Variants in SGCZ observed in about 807,000 individuals in gnomAD.
SGCZ encodes the protein sarcoglycan zeta.
SGCZ carries 40 observed loss-of-function variants against 41.3 expected under a neutral mutation model. The observed-to-expected ratio is 0.97, with a 90% confidence interval of 0.75 to 1.26. The LOEUF is 1.26. Among genes scored for constraint, SGCZ ranks in the 50% most tolerant of loss-of-function variants. The probability of loss-of-function intolerance (pLI) is 0.00; values close to 1 mark genes in which losing one functional copy is unlikely to be tolerated. For synonymous variants in SGCZ, 206 were observed against 137.5 expected (o/e 1.50, Z -3.49); for missense variants, 552 against 369.8 (o/e 1.49, Z -4.04).
At chr8:14,503,020 C>G (rs1002038150) in intron 2 of SGCZ, among the ~76,000 whole-genome samples, 1 of 152,052 alleles carries the variant, frequency 6.6e-6, no homozygotes, top group African/African-American at 2.4e-5. Flanking sequence ...GCACTATTCA[C>G]AATAGCAAAG....
intron 2 of SGCZ, among the ~76,000 whole-genome samples, chr8:14,416,643 T>A (rs975565707): frequency 2.0e-5 from 3 of 151,858 alleles, no homozygotes; most frequent in African/African-American, 7.2e-5. Flanking sequence ...ATATTAACCA[T>A]CTCCTTACTT....
chr8:14,260,447 A>G (rs1468259403), intron 3 of SGCZ, among the ~76,000 whole-genome samples: 1 of 145,576 alleles, frequency 6.9e-6, no homozygotes, highest in African/African-American at 2.5e-5. Flanking sequence ...TCAGGAAACA[A>G]CAGGTGCTGG....
In SGCZ at chr8:14,730,085, C is replaced by T. The variant is rs572778027; in HGVS notation, c.40-175159G>A. ...TGGGTGACAGACTGAGACAGCGTCTCAAAAAACAAGCAAACAAAAAAACCA... is the reference window on the plus strand; with the variant it reads ...TGGGTGACAGACTGAGACAGCGTCTTAAAAAACAAGCAAACAAAAAAACCA... On this transcript the variant is annotated intron_variant, in intron 1 of 7. Coordinates refer to ENST00000382080, the MANE Select transcript of SGCZ (RefSeq NM_139167.4). 3.3e-5 allele frequency among the ~76,000 whole-genome samples: 5 copies of T among 152,200 alleles called. No individual in the cohort carries two copies. The East Asian group carries it at 5.8e-4, about 18-fold the overall frequency.
intron 5 of SGCZ, among the ~76,000 whole-genome samples, chr8:14,125,248 AAGGTGGGTGGTTCACAAGGTCG>A (rs574603072): frequency 0.014 from 2,080 of 152,166 alleles, 60 homozygotes; most frequent in African/African-American, 0.047. Context: ...TTGGGAGGCC[AAGGTGGGTGGTTCACAAGGTCG>A]AGGTGGGTGG....
At chr8:14,416,637 T>G (rs1362579997) in intron 2 of SGCZ, among the ~76,000 whole-genome samples, 1 of 151,890 alleles carries the variant, frequency 6.6e-6, no homozygotes, top group Non-Finnish European at 1.5e-5. Context: ...AAATGGATAT[T>G]AACCATCTCC....
chr8:15,079,883 C>T (rs1271369742), intron 1 of SGCZ, among the ~76,000 whole-genome samples: 1 of 152,126 alleles, frequency 6.6e-6, no homozygotes. Flanking sequence ...TCTTCTCCCC[C>T]TCCCTCTCCC....
chr8:15,081,098 C>T (rs1410099725), intron 1 of SGCZ, among the ~76,000 whole-genome samples: 2 of 152,126 alleles, frequency 1.3e-5, no homozygotes, highest in Admixed American at 1.3e-4. Flanking sequence ...ACGCAGCCAG[C>T]GCATGCTACT....
intron 1 of SGCZ, among the ~76,000 whole-genome samples, chr8:15,207,346 C>CA (rs1211631711): frequency 6.6e-6 from 1 of 151,900 alleles, no homozygotes; most frequent in South Asian, 2.1e-4. Context: ...TGATGTGTGC[C>CA]AAAAAACATG....
intron 1 of SGCZ, among the ~76,000 whole-genome samples, chr8:15,203,288 G>T (rs371290802): frequency 6.6e-6 from 1 of 151,956 alleles, no homozygotes; most frequent in Non-Finnish European, 1.5e-5. Flanking sequence ...GTTTCTAAAC[G>T]GTCTTTTGCC....
chr8:14,951,031 T>A (rs1333525335), intron 1 of SGCZ, among the ~76,000 whole-genome samples: 1 of 152,054 alleles, frequency 6.6e-6, no homozygotes, highest in Non-Finnish European at 1.5e-5. Flanking sequence ...TCTGTTAGCA[T>A]CAACAGTGTG....
intron 1 of SGCZ, among the ~76,000 whole-genome samples, chr8:14,616,521 C>G (rs1024818389): frequency 6.6e-6 from 1 of 152,060 alleles, no homozygotes; most frequent in Non-Finnish European, 1.5e-5. Context: ...TTAGCCATGA[C>G]AGAAAATCAT....
At chr8:14,320,645 C>A (rs1801886942) in intron 3 of SGCZ, among the ~76,000 whole-genome samples, 1 of 151,918 alleles carries the variant, frequency 6.6e-6, no homozygotes, top group Admixed American at 6.6e-5. Flanking sequence ...AAAAGCAGAG[C>A]CTTATTCACA....
At chr8:14,324,243 G>T in intron 2 of SGCZ, 39 bp from the exon 3 acceptor site, 1 of 1,439,506 alleles carries the variant, frequency 6.9e-7, no homozygotes, top group Non-Finnish European at 9.8e-7. Context: ...TAGGTTAATT[G>T]GAGAATGAAT....
At chr8:14,603,983 A>T (rs534218341) in intron 1 of SGCZ, among the ~76,000 whole-genome samples, 1 of 152,304 alleles carries the variant, frequency 6.6e-6, no homozygotes, top group East Asian at 1.9e-4. Flanking sequence ...TGTGAAAAAA[A>T]TAGCAAACTG....
At chr8:14,999,262 G>A (rs1802325087) in intron 1 of SGCZ, among the ~76,000 whole-genome samples, 1 of 152,146 alleles carries the variant, frequency 6.6e-6, no homozygotes, top group African/African-American at 2.4e-5. Flanking sequence ...GCTATCTTCA[G>A]AAACACAACT....
chr8:14,974,825 G>A (rs1397384880), intron 1 of SGCZ, among the ~76,000 whole-genome samples: 1 of 150,560 alleles, frequency 6.6e-6, no homozygotes, highest in Non-Finnish European at 1.5e-5. Flanking sequence ...ATTCAACTGG[G>A]TGAAAACATA....
intron 2 of SGCZ, among the ~76,000 whole-genome samples, chr8:14,350,807 G>A (rs531739878): frequency 2.1e-4 from 32 of 152,074 alleles, no homozygotes; most frequent in African/African-American, 3.1e-4. Flanking sequence ...TCTAGTAATC[G>A]TAATCTAAGG....
At chr8:14,422,102 A>G (rs1256192346) in intron 2 of SGCZ, among the ~76,000 whole-genome samples, 2 of 152,194 alleles carry the variant, frequency 1.3e-5, no homozygotes, top group African/African-American at 2.4e-5. Context: ...ATGTGGTTTT[A>G]ACAGTGGGTT....
At chr8:14,391,642 G>A (rs1355557782) in intron 2 of SGCZ, among the ~76,000 whole-genome samples, 3 of 152,034 alleles carry the variant, frequency 2.0e-5, no homozygotes, top group South Asian at 2.1e-4. Context: ...TGCATTAAAA[G>A]GCAGAGAAAA....
Sources: allele counts gnomAD v4.1 joint callset (sites outside exome capture counted in the v4.1 genomes callset), GRCh38; gene constraint gnomAD v4.1.1; transcripts MANE v1.5; gene names NCBI Gene and HGNC (gene_info 2026-07-23, HGNC 2026-07-21).